Variants in ZMYM2 observed in about 807,000 individuals in gnomAD.
ZMYM2 encodes the protein zinc finger MYM-type protein 2.
ZMYM2 carries 56 observed loss-of-function variants against 162.8 expected under a neutral mutation model. That is an observed-to-expected ratio of 0.34 (90% CI 0.28 to 0.43). The LOEUF is 0.43. ZMYM2 is among the 20% of genes least tolerant of loss of function. ZMYM2 has a pLI of 1.00. For missense variants in ZMYM2, 1,275 were observed against 1,621.8 expected (o/e 0.79, Z 3.67); for synonymous variants, 510 against 541.6 (o/e 0.94, Z 0.81).
Position 20,006,562 on chromosome 13 carries a change from A to G in ZMYM2, c.1488A>G (p.Gln496=), listed in dbSNP as rs1206962181. 6.2e-7 allele frequency: 1 copy of G among 1,613,888 alleles called. No homozygotes were observed. The highest frequency in any genetic ancestry group is 8.5e-7 in the Non-Finnish European group (1 of 1,179,830). Residue 496 remains glutamine (Q), a synonymous_variant, in exon 6 of 25, where the codon CAA becomes CAG. Transcript: ENST00000610343. The stretch of plus-strand genomic sequence containing the variant: ...GTCAACAGAAAAGATTTTGCTGTCA[A>G]AGTTGTGTCAGTGAATACAAACAGG... ...IDGQQKRFCC[Q]SCVSEYKQVG... is the part of the protein sequence containing the mutation.
At chr13:19,896,053 C>A in the ZMYM2 span, among the ~76,000 whole-genome samples, 2 of 143,580 alleles carry the variant, frequency 1.4e-5, no homozygotes, top group East Asian at 2.1e-4. Flanking sequence ...TTGAGAGAGT[C>A]TTGCTTGGGT....
chr13:19,883,664 T>C, the ZMYM2 span, among the ~76,000 whole-genome samples: 1 of 152,212 alleles, frequency 6.6e-6, no homozygotes, highest in African/African-American at 2.4e-5. Flanking sequence ...AGTGCTTTAC[T>C]ATGTGCTGAA....
At chr13:19,910,078 T>C in the ZMYM2 span, among the ~76,000 whole-genome samples, 1 of 151,032 alleles carries the variant, frequency 6.6e-6, no homozygotes, top group African/African-American at 2.4e-5. Flanking sequence ...ATACAAAAAA[T>C]TAGCTGAGCG....
At chr13:19,985,962 G>A (rs1299697999) in intron 2 of ZMYM2, among the ~76,000 whole-genome samples, 1 of 152,126 alleles carries the variant, frequency 6.6e-6, no homozygotes, top group African/African-American at 2.4e-5. Context: ...GAGGCAGGCA[G>A]GTTGCTTGAG....
At chr13:19,926,359 TA>T in the ZMYM2 span, among the ~76,000 whole-genome samples, 21 of 142,940 alleles carry the variant, frequency 1.5e-4, no homozygotes, top group Middle Eastern at 3.7e-3. Context: ...TAGGACTACT[TA>T]TTTTTTTTTT....
the ZMYM2 span, among the ~76,000 whole-genome samples, chr13:19,951,527 T>TAAAAAAAA: frequency 6.5e-5 from 5 of 76,438 alleles, no homozygotes; most frequent in Admixed American, 3.9e-4. Flanking sequence ...CCATCTCTAC[T>TAAAAAAAA]AAAAAAAAAA....
intron 2 of ZMYM2, among the ~76,000 whole-genome samples, chr13:19,966,217 C>T (rs952594393): frequency 2.0e-5 from 3 of 151,854 alleles, no homozygotes; most frequent in Admixed American, 2.0e-4. Flanking sequence ...TCAACGCAAC[C>T]TCCGCCTCCC....
At chr13:19,963,640 A>T (rs1379415049) in intron 2 of ZMYM2, among the ~76,000 whole-genome samples, 1 of 152,120 alleles carries the variant, frequency 6.6e-6, no homozygotes, top group East Asian at 1.9e-4. Flanking sequence ...TATGGTCATC[A>T]CCAAATGCTT....
chr13:20,066,981 TTGA>T lies in ZMYM2; in HGVS notation c.3267_3269del (p.Asp1089del), dbSNP rs1253412393. On this transcript the variant is annotated inframe_deletion, in exon 20 of 25. Coordinates refer to ENST00000610343, the MANE Select transcript of ZMYM2 (RefSeq NM_197968.4). ...AAACACTGGGTCAAAACTAGGCAAC[TTGA>T]TGAAGATCTTCTGGTATTAGATGAG... The T allele has an allele frequency of 2.5e-6, 4 of 1,612,000 alleles. No individual in the cohort carries two copies.
At chr13:19,945,208 A>T in the ZMYM2 span, among the ~76,000 whole-genome samples, 4 of 152,188 alleles carry the variant, frequency 2.6e-5, no homozygotes, top group Non-Finnish European at 5.9e-5. Context: ...AGCAATAATA[A>T]GTAGAATACT....
chr13:19,901,433 C>G, the ZMYM2 span, among the ~76,000 whole-genome samples: 3 of 152,074 alleles, frequency 2.0e-5, no homozygotes, highest in Non-Finnish European at 4.4e-5. Context: ...ATGCTGGAAT[C>G]TAATTTAGCC....
At chr13:19,901,555 G>T in the ZMYM2 span, among the ~76,000 whole-genome samples, 7 of 151,906 alleles carry the variant, frequency 4.6e-5, no homozygotes, top group Admixed American at 1.3e-4. Flanking sequence ...CGCCATCTCA[G>T]CTCACTGCAA....
upstream of ZMYM2, among the ~76,000 whole-genome samples, chr13:19,954,789 T>G (rs1382542510): frequency 1.3e-5 from 2 of 152,046 alleles, no homozygotes; most frequent in East Asian, 3.8e-4. Context: ...TTTTCTTCAG[T>G]GTTTCCATTG....
the ZMYM2 span, among the ~76,000 whole-genome samples, chr13:19,937,524 C>T: frequency 4.8e-5 from 7 of 145,626 alleles, no homozygotes; most frequent in South Asian, 2.1e-4. Flanking sequence ...AGTGCAGTGG[C>T]GTGATCTCAG....
At chr13:20,001,888 A>G (rs1950417184) in intron 3 of ZMYM2, among the ~76,000 whole-genome samples, 1 of 152,256 alleles carries the variant, frequency 6.6e-6, no homozygotes, top group East Asian at 1.9e-4. Context: ...TTTTAAAAAG[A>G]TATAATACTA....
At chr13:19,936,951 G>C in the ZMYM2 span, among the ~76,000 whole-genome samples, 1 of 151,416 alleles carries the variant, frequency 6.6e-6, no homozygotes, top group Non-Finnish European at 1.5e-5. Flanking sequence ...AACTGACTTA[G>C]AGTTTGATTT....
At chr13:19,924,053 T>A in the ZMYM2 span, among the ~76,000 whole-genome samples, 1 of 152,178 alleles carries the variant, frequency 6.6e-6, no homozygotes, top group Admixed American at 6.6e-5. Context: ...TCTCACTTTG[T>A]AACTATCATA....
chr13:20,016,081 T>G (rs1286554329), intron 6 of ZMYM2, among the ~76,000 whole-genome samples: 2 of 152,048 alleles, frequency 1.3e-5, no homozygotes, highest in Non-Finnish European at 1.5e-5. Context: ...ACCTTTTTTT[T>G]GGTATCTCAT....
intron 6 of ZMYM2, among the ~76,000 whole-genome samples, chr13:20,010,866 C>G: frequency 6.6e-6 from 1 of 152,126 alleles, no homozygotes; most frequent in Non-Finnish European, 1.5e-5. Context: ...GTCTCAAACT[C>G]CTGACATCGT....
Sources: allele counts gnomAD v4.1 joint callset (sites outside exome capture counted in the v4.1 genomes callset), GRCh38; gene constraint gnomAD v4.1.1; transcripts MANE v1.5; gene names NCBI Gene and HGNC (gene_info 2026-07-23, HGNC 2026-07-21).